The following FRRS1 variants were observed in gnomAD, a reference collection of about 807,000 sequenced individuals.
FRRS1 encodes ferric chelate reductase 1, also known as ferric reductase 1.
In FRRS1, 51 loss-of-function variants were observed where a neutral mutation model predicts 70.7. That is an observed-to-expected ratio of 0.72 (90% CI 0.58 to 0.91). The LOEUF (loss-of-function observed/expected upper bound fraction) is 0.91. Ranked by LOEUF, FRRS1 falls within the 40% of genes least tolerant of loss-of-function variation. FRRS1 has a pLI of 0.00. For synonymous variants in FRRS1, 225 were observed against 238.7 expected (o/e 0.94, Z 0.53); for missense variants, 672 against 726.0 (o/e 0.93, Z 0.86).
intron 1 of FRRS1, among the ~76,000 whole-genome samples, chr1:99,750,473 G>T (rs1400627803): frequency 6.6e-6 from 1 of 152,182 alleles, no homozygotes; most frequent in Non-Finnish European, 1.5e-5. Context: ...TTATGATTAA[G>T]ATGCTAAATG....
At chr1:99,715,101 C>T (rs1481517812) in intron 12 of FRRS1, among the ~76,000 whole-genome samples, 3 of 152,160 alleles carry the variant, frequency 2.0e-5, no homozygotes, top group African/African-American at 7.2e-5. Flanking sequence ...AAGCAATCCT[C>T]CCGCCTCAGC....
At chr1:99,749,625 T>C (rs1314433925) in intron 1 of FRRS1, among the ~76,000 whole-genome samples, 2 of 152,200 alleles carry the variant, frequency 1.3e-5, no homozygotes, top group African/African-American at 2.4e-5. Context: ...AGAGAACCAA[T>C]TGGTAGAGAT....
chr1:99,744,932 T>C (rs887616542), intron 4 of FRRS1, among the ~76,000 whole-genome samples: 126 of 129,950 alleles, frequency 9.7e-4, no homozygotes, highest in African/African-American at 3.3e-3. Context: ...ATCAGGCCAC[T>C]GCACTCCAGC....
chr1:99,728,747 G>A (rs1376170226), intron 8 of FRRS1, 107 bp from the exon 9 acceptor site: 2 of 863,610 alleles, frequency 2.3e-6, no homozygotes, highest in Non-Finnish European at 3.5e-6. Flanking sequence ...AAGATCGTAT[G>A]TCCATGCTTT....
intron 7 of FRRS1, among the ~76,000 whole-genome samples, chr1:99,732,585 G>C (rs1655445999): frequency 6.6e-6 from 1 of 152,098 alleles, no homozygotes; most frequent in South Asian, 2.1e-4. Flanking sequence ...AGGTAAAGAT[G>C]AGATTAAAGG....
chr1:99,757,426 G>A (rs183502636), intron 1 of FRRS1, among the ~76,000 whole-genome samples: 4 of 152,260 alleles, frequency 2.6e-5, no homozygotes, highest in Admixed American at 2.0e-4. Flanking sequence ...GGAACAAACA[G>A]GCTAAGCAAC....
chr1:99,729,861 T>C (rs554836021), intron 7 of FRRS1, 113 bp from the exon 8 acceptor site: 1 of 662,286 alleles, frequency 1.5e-6, no homozygotes, highest in African/African-American at 1.8e-5. Context: ...TTTGAAAACA[T>C]AATTTACTGA....
rs1655248914 is a variant in FRRS1, at chr1:99,729,643, C to T, written c.858+7G>A. 3 of 1,585,078 alleles carry T rather than the reference C, an allele frequency of 1.9e-6. No homozygotes were observed. The highest frequency in any genetic ancestry group is 2.6e-6 in the Non-Finnish European group (3 of 1,154,682). On this transcript the variant is annotated splice_region_variant and intron_variant, in intron 8 of 16. Transcript: ENST00000646001. The stretch of plus-strand genomic sequence containing the variant: ...CAGGTGGAGGTTCTCAGAATTTTCA[C>T]ACCTACCCTGGAGTCCATTACAGGG...
At chr1:99,710,538 G>A (rs1453927508) in intron 15 of FRRS1, among the ~76,000 whole-genome samples, 1 of 152,162 alleles carries the variant, frequency 6.6e-6, no homozygotes, top group African/African-American at 2.4e-5. Context: ...CTGGCTCTAA[G>A]TCAGACCAGC....
chr1:99,708,392 G>A lies in FRRS1; in HGVS notation c.*636C>T, dbSNP rs539750662. Among the ~76,000 whole-genome samples the A allele has an allele frequency of 6.6e-6, 1 of 151,666 alleles. No individual in the cohort carries two copies. Among genetic ancestry groups the A allele is most frequent in the Admixed American group, 6.6e-5 (1 of 15,232 alleles). On this transcript the variant is annotated 3_prime_UTR_variant, in exon 17 of 17. Coordinates refer to ENST00000646001, the MANE Select transcript of FRRS1 (RefSeq NM_001361041.2). ...AGGCAGGCAGATCACAAGGTCAGGAGATCGAGACCATCCTGTGAATGGTGA... is the reference window on the plus strand; with the variant it reads ...AGGCAGGCAGATCACAAGGTCAGGAAATCGAGACCATCCTGTGAATGGTGA...
chr1:99,737,633 A>C (rs2100958417), intron 7 of FRRS1, among the ~76,000 whole-genome samples: 1 of 152,346 alleles, frequency 6.6e-6, no homozygotes, highest in South Asian at 2.1e-4. Context: ...ATCATACAGT[A>C]CTCAAAGCCG....
intron 4 of FRRS1, among the ~76,000 whole-genome samples, chr1:99,745,607 C>A (rs531383662): frequency 4.6e-5 from 7 of 152,194 alleles, no homozygotes; most frequent in African/African-American, 1.7e-4. Context: ...TCACTTGAAC[C>A]CAGAAGGCAA....
intron 7 of FRRS1, among the ~76,000 whole-genome samples, chr1:99,731,043 G>C (rs1156769880): frequency 1.3e-5 from 2 of 151,786 alleles, no homozygotes; most frequent in South Asian, 2.1e-4. Context: ...CTCCAAAAAA[G>C]AGAAATAAAA....
intron 7 of FRRS1, 105 bp downstream of exon 7, chr1:99,737,981 T>C (rs1158561144): frequency 3.5e-6 from 3 of 867,426 alleles, no homozygotes; most frequent in African/African-American, 1.8e-5. Flanking sequence ...GACCTCGTGA[T>C]CCACCTGCCT....
chr1:99,763,772 G>A lies in FRRS1; in HGVS notation c.-106+2835C>T, dbSNP rs576569587. ...AATCCCAGCTACTCGGGAGGCTGAG[G>A]CAGAAGAATCGCTTGAACCCTGGAG... On this transcript the variant is annotated intron_variant, in intron 1 of 16. Coordinates refer to ENST00000646001, the MANE Select transcript of FRRS1 (RefSeq NM_001361041.2). Among the ~76,000 whole-genome samples, 4 of 151,600 alleles carry A rather than the reference G, an allele frequency of 2.6e-5. No individual in the cohort carries two copies. In the East Asian group the frequency reaches 5.8e-4, roughly 22 times the overall value.
At chr1:99,709,797 G>A (rs1465183122) in intron 15 of FRRS1, among the ~76,000 whole-genome samples, 2 of 152,186 alleles carry the variant, frequency 1.3e-5, no homozygotes, top group African/African-American at 4.8e-5. Context: ...GTGAGACCCT[G>A]TCTCTAAAAA....
rs145354438 is a variant in FRRS1, at chr1:99,748,418, A to G, written c.196+155T>C. On this transcript the variant is annotated intron_variant, in intron 3 of 16. Coordinates refer to ENST00000646001, the MANE Select transcript of FRRS1 (RefSeq NM_001361041.2). ...GGGGAATACACAGACTACTTAAGTA[A>G]TACAGTCATCTGGAACCAAAAATAA... 1.3e-4 allele frequency: 82 copies of G among 636,232 alleles called. No individual in the cohort carries two copies. The African/African-American group carries it at 1.4e-3, about 11-fold the overall frequency. The allele number at this position is 636,232 out of a possible 1,614,324, so 39.4% of individuals were successfully genotyped here.
In FRRS1 at chr1:99,747,320, G is replaced by A; in HGVS notation, c.307C>T (p.Gln103Ter). ...SFTLIDSEVS[Q>*]LLTCEDIQGS... ...TGTATATCTTCACAGGTCAAAAGTTGTGACACTTCACTGTCAATCAATGTG... is the reference window on the plus strand; with the variant it reads ...TGTATATCTTCACAGGTCAAAAGTTATGACACTTCACTGTCAATCAATGTG... Residue 103 changes from glutamine (Q) to a stop codon, truncating the protein, a stop_gained, in exon 4 of 17, where the codon CAA becomes TAA. Transcript: ENST00000646001. LOFTEE classifies it high-confidence loss of function. 6.2e-7 allele frequency: 1 copy of A among 1,613,774 alleles called. No individual in the cohort carries two copies. The highest frequency in any genetic ancestry group is 8.5e-7 in the Non-Finnish European group (1 of 1,179,834).
intron 1 of FRRS1, among the ~76,000 whole-genome samples, chr1:99,766,353 A>G (rs1368186561): frequency 1.3e-5 from 2 of 152,208 alleles, no homozygotes; most frequent in Non-Finnish European, 2.9e-5. Flanking sequence ...ACACGTCTCT[A>G]CTTATAACCA....
Sources: allele counts gnomAD v4.1 joint callset (sites outside exome capture counted in the v4.1 genomes callset), GRCh38; gene constraint gnomAD v4.1.1; transcripts MANE v1.5; gene names NCBI Gene and HGNC (gene_info 2026-07-23, HGNC 2026-07-21).